The following CORO2B variants were observed in gnomAD, a reference collection of about 807,000 sequenced individuals.
CORO2B encodes coronin 2B, also known as coronin-2B.
A neutral mutation model predicts 58.8 loss-of-function variants in CORO2B; 26 were observed. The ratio of observed to expected loss-of-function variants is 0.44; its 90% confidence interval spans 0.32 to 0.61. CORO2B has a LOEUF of 0.61. Among genes scored for constraint, CORO2B ranks in the 20% least tolerant of loss-of-function variants. The pLI is 0.04. For missense variants in CORO2B, 460 were observed against 645.1 expected (o/e 0.71, Z 3.11); for synonymous variants, 242 against 253.8 (o/e 0.95, Z 0.44).
chr15:68,553,935 C>G, the CORO2B span, among the ~76,000 whole-genome samples: 20 of 152,186 alleles, frequency 1.3e-4, no homozygotes, highest in Admixed American at 1.2e-3. Context: ...GGTGGCTGAA[C>G]CAATCTAACT....
At chr15:68,524,529 C>T in the CORO2B span, among the ~76,000 whole-genome samples, 5 of 152,232 alleles carry the variant, frequency 3.3e-5, no homozygotes, top group East Asian at 5.8e-4. Flanking sequence ...TTTTTAAAAG[C>T]GCCATGCTAA....
chr15:68,630,890 G>A (rs903575342), intron 1 of CORO2B, among the ~76,000 whole-genome samples: 3 of 152,188 alleles, frequency 2.0e-5, no homozygotes, highest in Admixed American at 6.5e-5. Context: ...GCGGGAAGCC[G>A]TGTGTGTGCC....
intron 1 of CORO2B, among the ~76,000 whole-genome samples, chr15:68,584,792 C>T (rs1899510746): frequency 6.6e-6 from 1 of 152,200 alleles, no homozygotes; most frequent in Non-Finnish European, 1.5e-5. Context: ...GGCCCAGGGT[C>T]CTGGAGCACC....
intron 1 of CORO2B, among the ~76,000 whole-genome samples, chr15:68,635,366 C>T (rs1900999863): frequency 6.6e-6 from 1 of 152,218 alleles, no homozygotes; most frequent in Admixed American, 6.5e-5. Flanking sequence ...GCTCCACCGC[C>T]CCTCTCTGCC....
At chr15:68,539,185 A>AAC in the CORO2B span, among the ~76,000 whole-genome samples, 170 of 152,288 alleles carry the variant, frequency 1.1e-3, no homozygotes, top group African/African-American at 4.0e-3. Context: ...CTGCTGAGAG[A>AAC]ACAGTGAGGG....
At chr15:68,662,056 GC>G (rs1310094244) in intron 2 of CORO2B, among the ~76,000 whole-genome samples, 8 of 151,960 alleles carry the variant, frequency 5.3e-5, no homozygotes, top group Non-Finnish European at 7.4e-5. Flanking sequence ...ATCTGTTTAG[GC>G]AGATGTCCTT....
chr15:68,547,320 C>A, the CORO2B span, among the ~76,000 whole-genome samples: 1 of 152,224 alleles, frequency 6.6e-6, no homozygotes, highest in South Asian at 2.1e-4. Context: ...ATTACCTGTA[C>A]CCATAATCAT....
upstream of CORO2B, among the ~76,000 whole-genome samples, chr15:68,576,012 G>C (rs981712218): frequency 1.3e-5 from 2 of 151,730 alleles, no homozygotes; most frequent in African/African-American, 4.8e-5. Flanking sequence ...AATTAGTCAG[G>C]TGGGGTGGCG....
At position 68,706,681 on chromosome 15, in the gene CORO2B, G is replaced by A. The variant is rs945428957; in HGVS notation, c.334-4051G>A. On this transcript the variant is annotated intron_variant, in intron 3 of 11. Coordinates refer to ENST00000261861, the MANE Select transcript of CORO2B (RefSeq NM_006091.5). Reference sequence around the variant, plus strand: ...TACTCAAGTGCAGACAAGGGTAGCCGGTAGACATGAGAAAAGATGCCTGGT... The same window carrying A: ...TACTCAAGTGCAGACAAGGGTAGCCAGTAGACATGAGAAAAGATGCCTGGT... 3.9e-5 allele frequency among the ~76,000 whole-genome samples: 6 copies of A among 152,122 alleles called. No homozygotes were observed. In the East Asian group the frequency reaches 7.7e-4, roughly 19 times the overall value.
intron 1 of CORO2B, among the ~76,000 whole-genome samples, chr15:68,638,918 G>A (rs1273062240): frequency 6.6e-6 from 1 of 152,204 alleles, no homozygotes; most frequent in Non-Finnish European, 1.5e-5. Flanking sequence ...ATTCTGTGCT[G>A]TCAACAGCAA....
At chr15:68,614,882 C>T (rs1049231634) in intron 1 of CORO2B, among the ~76,000 whole-genome samples, 1 of 152,240 alleles carries the variant, frequency 6.6e-6, no homozygotes, top group African/African-American at 2.4e-5. Context: ...TGGTCCGGGC[C>T]TGCGCCCATG....
chr15:68,551,378 G>A, the CORO2B span, among the ~76,000 whole-genome samples: 2 of 152,138 alleles, frequency 1.3e-5, no homozygotes, highest in African/African-American at 4.8e-5. Flanking sequence ...CTGGCATGAG[G>A]GTAGCTCATC....
At chr15:68,532,681 T>C in the CORO2B span, among the ~76,000 whole-genome samples, 1 of 152,254 alleles carries the variant, frequency 6.6e-6, no homozygotes, top group Non-Finnish European at 1.5e-5. Context: ...TTGGCATGTC[T>C]AGTAATTTTT....
At chr15:68,714,800 A>G in intron 7 of CORO2B, 137 bp downstream of exon 7, 1 of 668,170 alleles carries the variant, frequency 1.5e-6, no homozygotes, top group Non-Finnish European at 2.6e-6. Context: ...TCCCATCCAC[A>G]CCTGCCCTCA....
intron 1 of CORO2B, among the ~76,000 whole-genome samples, chr15:68,610,536 C>T (rs1486466576): frequency 2.0e-5 from 3 of 152,110 alleles, no homozygotes; most frequent in East Asian, 3.9e-4. Context: ...CCTCTCTCCC[C>T]TCCTGTTCTC....
intron 2 of CORO2B, among the ~76,000 whole-genome samples, chr15:68,663,484 G>A (rs142929144): frequency 2.0e-5 from 3 of 152,028 alleles, no homozygotes; most frequent in Non-Finnish European, 2.9e-5. Flanking sequence ...ACATACACGC[G>A]CACACACACG....
chr15:68,555,880 C>T, the CORO2B span, among the ~76,000 whole-genome samples: 2 of 152,134 alleles, frequency 1.3e-5, no homozygotes, highest in Non-Finnish European at 2.9e-5. Flanking sequence ...TCAAGATGAG[C>T]AGGGCCAGCC....
rs139495338 is a variant in CORO2B, at chr15:68,625,007, A to G, written c.16-20153A>G. Among the ~76,000 whole-genome samples the G allele has an allele frequency of 1.2e-3, 186 of 152,290 alleles. 1 individual carries two copies. The highest frequency in any genetic ancestry group is 6.8e-3 in the Middle Eastern group (2 of 292). ...TGTCTCTGTTTTTAACTCCAGTGCT[A>G]GTGGTCGAAGACCACTCCTGCCCAG... On this transcript the variant is annotated intron_variant, in intron 1 of 11. Transcript: ENST00000261861.
Position 68,718,735 on chromosome 15 carries a change from C to T in CORO2B, c.1005C>T (p.Cys335=), listed in dbSNP as rs143009182. 40 of 1,614,046 alleles carry T rather than the reference C, an allele frequency of 2.5e-5. No homozygotes were observed. Among genetic ancestry groups the T allele is most frequent in the South Asian group, 3.3e-5 (3 of 91,080 alleles). The change falls in exon 9 of 12, where the codon TGC becomes TGT. Residue 335 remains cysteine, a synonymous_variant. Coordinates refer to ENST00000261861, the MANE Select transcript of CORO2B (RefSeq NM_006091.5). ...AGCACGGGCTGGATGTGTCAGCCTG[C>T]GAGGTGTTCCGCTTCTACAAGCTGG... ...MPKHGLDVSA[C]EVFRFYKLVT...
Sources: allele counts gnomAD v4.1 joint callset (sites outside exome capture counted in the v4.1 genomes callset), GRCh38; gene constraint gnomAD v4.1.1; transcripts MANE v1.5; gene names NCBI Gene and HGNC (gene_info 2026-07-23, HGNC 2026-07-21).